The following CNTN1 variants were observed in gnomAD, a reference collection of about 807,000 sequenced individuals.
CNTN1 encodes contactin-1.
In CNTN1, 38 loss-of-function variants were observed where a neutral mutation model predicts 126.4. The observed-to-expected ratio is 0.30, with a 90% CI of 0.23 to 0.39. CNTN1 has a LOEUF of 0.39. CNTN1 is among the 10% of genes least tolerant of loss of function. CNTN1 has a pLI of 1.00. For missense variants in CNTN1, 1,009 were observed against 1,248.4 expected, an observed-to-expected ratio of 0.81 and a Z score of 2.89; for synonymous variants, 413 against 422.6, an observed-to-expected ratio of 0.98 and a Z score of 0.28.
chr12:40,778,740 T>C (rs1939683431), intron 1 of CNTN1, among the ~76,000 whole-genome samples: 1 of 151,864 alleles, frequency 6.6e-6, no homozygotes, highest in South Asian at 2.1e-4. Flanking sequence ...CAGATTTTTA[T>C]TGGAACTACA....
intron 14 of CNTN1, among the ~76,000 whole-genome samples, chr12:40,945,915 A>G (rs1276363183): frequency 6.6e-6 from 1 of 152,036 alleles, no homozygotes; most frequent in Admixed American, 6.6e-5. Context: ...CAGGCTCACC[A>G]CCTCAGGTTT....
intron 1 of CNTN1, among the ~76,000 whole-genome samples, chr12:40,845,135 G>T (rs1024400432): frequency 6.6e-6 from 1 of 152,154 alleles, no homozygotes; most frequent in African/African-American, 2.4e-5. Context: ...AGAGCTAGTT[G>T]TATGTCAGTT....
At position 40,939,483 on chromosome 12, in the gene CNTN1, C is replaced by A. The variant is rs1366362249; in HGVS notation, c.1377C>A (p.Ser459Arg). 6.2e-7 allele frequency: 1 copy of A among 1,613,578 alleles called. No homozygotes were observed. Among genetic ancestry groups the A allele is most frequent in the Non-Finnish European group, 8.5e-7 (1 of 1,179,808 alleles). The change falls in exon 12 of 24, where the codon AGC becomes AGA. Residue 459 changes from serine (S) to arginine (R), a missense_variant and splice_region_variant. Transcript: ENST00000551295. Reference protein sequence around the residue: ...SKGTEWLVNSSRILIWEDGSL... With the variant: ...SKGTEWLVNSRRILIWEDGSL... Reference sequence around the variant, plus strand: ...GGACAGAGTGGCTTGTCAATAGCAGCAGGTCAGTGCTGAAACTAGAAATCC... The same window carrying A: ...GGACAGAGTGGCTTGTCAATAGCAGAAGGTCAGTGCTGAAACTAGAAATCC...
intron 3 of CNTN1, among the ~76,000 whole-genome samples, chr12:40,917,068 G>C (rs1565942884): frequency 7.8e-6 from 1 of 128,384 alleles, no homozygotes; most frequent in Non-Finnish European, 1.7e-5. Flanking sequence ...GGGCGGGGGG[G>C]GGGGCAGAAC....
chr12:40,848,643 G>A (rs547418459), intron 1 of CNTN1, among the ~76,000 whole-genome samples: 56 of 152,128 alleles, frequency 3.7e-4, no homozygotes, highest in African/African-American at 1.3e-3. Flanking sequence ...AGGATATTTC[G>A]AAAATGCTCT....
At chr12:40,925,609 G>GTA (rs1176511554) in intron 6 of CNTN1, among the ~76,000 whole-genome samples, 66 of 140,640 alleles carry the variant, frequency 4.7e-4, no homozygotes, top group Admixed American at 9.3e-4. Flanking sequence ...ATATATACGT[G>GTA]TATATATATA....
At chr12:40,975,178 T>TTATATATATATA (rs58939653) in intron 15 of CNTN1, among the ~76,000 whole-genome samples, 58 of 48,586 alleles carry the variant, frequency 1.2e-3, no homozygotes, top group African/African-American at 1.8e-3. Flanking sequence ...GTAAAATGGA[T>TTATATATATATA]TATATATATA....
chr12:40,791,275 T>G (rs942318884), intron 1 of CNTN1, among the ~76,000 whole-genome samples: 2 of 152,178 alleles, frequency 1.3e-5, no homozygotes, highest in Non-Finnish European at 2.9e-5. Flanking sequence ...CATTGTCTTA[T>G]TTCCAGAGAT....
intron 1 of CNTN1, among the ~76,000 whole-genome samples, chr12:40,895,163 A>G (rs7134189): frequency 0.04 from 6,088 of 152,262 alleles, 165 homozygotes; most frequent in Non-Finnish European, 0.054. Context: ...TTTTTATACT[A>G]CTTTTAATTT....
At chr12:40,838,538 G>T (rs1942154860) in intron 1 of CNTN1, among the ~76,000 whole-genome samples, 1 of 152,050 alleles carries the variant, frequency 6.6e-6, no homozygotes, top group South Asian at 2.1e-4. Flanking sequence ...ACAAAAATAG[G>T]CAAACTCAAC....
intron 17 of CNTN1, among the ~76,000 whole-genome samples, chr12:41,005,432 C>A (rs1327792340): frequency 6.6e-6 from 1 of 151,312 alleles, no homozygotes; most frequent in Non-Finnish European, 1.5e-5. Context: ...TTGTGAAGTA[C>A]CTTACTGTGG....
chr12:40,749,777 A>AT (rs1277424909), intron 1 of CNTN1, among the ~76,000 whole-genome samples: 24 of 96,704 alleles, frequency 2.5e-4, no homozygotes, highest in South Asian at 6.5e-4. Flanking sequence ...CATGAAAAGT[A>AT]AATCTATATG....
chr12:41,008,449 G>T lies in CNTN1; in HGVS notation c.2114-5779G>T, dbSNP rs367703531. ...AAAACATATATACCCCCGTTGCTTT[G>T]CCATTAGGGGATAATTTCTGGTCTA... is the stretch of plus-strand genomic sequence containing the variant. On this transcript the variant is annotated intron_variant, in intron 17 of 23. Transcript: ENST00000551295. Among the ~76,000 whole-genome samples, 6 of 152,026 alleles carry T rather than the reference G, an allele frequency of 3.9e-5. 1 individual carries two copies. The South Asian group carries it at 8.3e-4, about 21-fold the overall frequency.
rs1466703881 is a variant in CNTN1 at position 40,709,996 on chromosome 12, C to T, written c.-77+17404C>T. On this transcript the variant is annotated intron_variant, in intron 1 of 23. Transcript: ENST00000551295. ...TATATTCACAACTTAGCTATTTCGC[C>T]AGGAGCCCCAGGTTTTTTCTTAGCT... 3.9e-5 allele frequency among the ~76,000 whole-genome samples: 6 copies of T among 152,178 alleles called. No individual in the cohort carries two copies. The East Asian group carries it at 9.7e-4, about 24-fold the overall frequency.
intron 6 of CNTN1, among the ~76,000 whole-genome samples, chr12:40,925,236 T>C (rs1328868769): frequency 6.6e-6 from 1 of 151,924 alleles, no homozygotes; most frequent in African/African-American, 2.4e-5. Flanking sequence ...AAAGTGCTAA[T>C]TAAAAGATGA....
chr12:41,056,878 T>A (rs1949813885), intron 23 of CNTN1, among the ~76,000 whole-genome samples: 1 of 122,824 alleles, frequency 8.1e-6, no homozygotes, highest in African/African-American at 2.9e-5. Context: ...AATATTTGGA[T>A]ATTTATAAAT....
intron 1 of CNTN1, among the ~76,000 whole-genome samples, chr12:40,869,370 T>A (rs1943410939): frequency 1.3e-5 from 2 of 151,618 alleles, no homozygotes; most frequent in Non-Finnish European, 2.9e-5. Context: ...TGGGATCAAG[T>A]GATCCTCCCA....
At position 40,809,562 on chromosome 12, in the gene CNTN1, C is replaced by T. The variant is rs186239597; in HGVS notation, c.-76-98795C>T. Among the ~76,000 whole-genome samples the T allele has an allele frequency of 3.1e-4, 47 of 152,226 alleles. No homozygotes were observed. In the East Asian group the frequency reaches 8.3e-3, roughly 27 times the overall value. Reference sequence around the variant, plus strand: ...TTTATTGGCCGGGCACAGTGGCTCACGCCTGTAAGCCCAGCACTTTGGGAG... The same window carrying T: ...TTTATTGGCCGGGCACAGTGGCTCATGCCTGTAAGCCCAGCACTTTGGGAG... On this transcript the variant is annotated intron_variant, in intron 1 of 23. Coordinates refer to ENST00000551295, the MANE Select transcript of CNTN1 (RefSeq NM_001843.4).
intron 17 of CNTN1, among the ~76,000 whole-genome samples, chr12:40,995,451 GAAC>G (rs1461756006): frequency 4.6e-5 from 7 of 151,852 alleles, no homozygotes; most frequent in Non-Finnish European, 7.4e-5. Flanking sequence ...ATTAGAATCA[GAAC>G]AACATTTTTC....
Sources: gnomAD v4.1 joint callset for allele counts (sites outside exome capture counted in the v4.1 genomes callset) on GRCh38, gnomAD v4.1.1 for gene constraint, MANE v1.5 for transcripts, NCBI Gene and HGNC (gene_info 2026-07-23, HGNC 2026-07-21) for gene names.